NUP85: variants seen among roughly 807,000 people sequenced by gnomAD.
NUP85 encodes nuclear pore complex protein Nup85.
A neutral mutation model predicts 92.8 loss-of-function variants in NUP85; 23 were observed. The observed-to-expected ratio is 0.25, with a 90% CI of 0.18 to 0.35. The LOEUF (loss-of-function observed/expected upper bound fraction) is 0.35. Ranked by LOEUF, NUP85 falls within the 10% of genes least tolerant of loss-of-function variation. NUP85 has a pLI of 1.00. For missense variants in NUP85, 759 were observed against 822.8 expected (o/e 0.92, Z 0.95); for synonymous variants, 314 against 306.9 (o/e 1.02, Z -0.24).
At chr17:75,218,588 G>GTGTTT (rs565961332) in intron 7 of NUP85, among the ~76,000 whole-genome samples, 1 of 82,840 alleles carries the variant, frequency 1.2e-5, no homozygotes, top group Non-Finnish European at 2.1e-5. Context: ...ATACAAAACC[G>GTGTTT]TTTTTTTTTT....
chr17:75,214,397 T>C (rs2075365827), intron 5 of NUP85, among the ~76,000 whole-genome samples: 1 of 152,080 alleles, frequency 6.6e-6, no homozygotes, highest in Non-Finnish European at 1.5e-5. Context: ...TATTTCGGGG[T>C]CTTATATTGG....
chr17:75,208,275 A>C, intron 1 of NUP85: 1 of 389,222 alleles, frequency 2.6e-6, no homozygotes, highest in Non-Finnish European at 4.4e-6. Context: ...ATCTCTACTA[A>C]AAATGAAAAA....
chr17:75,218,086 G>A, intron 6 of NUP85, 99 bp from the exon 7 acceptor site: 1 of 1,514,108 alleles, frequency 6.6e-7, no homozygotes, highest in South Asian at 1.2e-5. Context: ...AACCTATGTA[G>A]TCAGCTTGTC....
chr17:75,233,437 C>CTTTTTTTTTTTTT (rs60396796), intron 16 of NUP85, among the ~76,000 whole-genome samples: 16 of 117,176 alleles, frequency 1.4e-4, no homozygotes, highest in African/African-American at 2.8e-4. Context: ...TTTATTTTTT[C>CTTTTTTTTTTTTT]TTTTTTTTTT....
intron 7 of NUP85, among the ~76,000 whole-genome samples, chr17:75,219,071 G>C (rs1439345867): frequency 1.3e-5 from 2 of 152,186 alleles, no homozygotes; most frequent in African/African-American, 4.8e-5. Flanking sequence ...CACCTCTGCT[G>C]ACTGACCCAA....
At position 75,233,086 on chromosome 17, in the gene NUP85, T is replaced by C. The variant is rs763361094; in HGVS notation, c.1543T>C (p.Cys515Arg). Residue 515 changes from cysteine to arginine, a missense_variant, in exon 16 of 19, where the codon TGC becomes CGC. Physicochemically the swap from Cys to Arg is radical, Grantham distance 180. Coordinates refer to ENST00000245544, the MANE Select transcript of NUP85 (RefSeq NM_024844.5). Reference sequence around the variant, plus strand: ...CCTCAGGGATTACTGTGAGCGAGGCTGCTTTTCTGATTTGGATCTCATTGA... The same window carrying C: ...CCTCAGGGATTACTGTGAGCGAGGCCGCTTTTCTGATTTGGATCTCATTGA... Reference protein sequence around the residue: ...RFLRDYCERGCFSDLDLIDNL... With the variant: ...RFLRDYCERGRFSDLDLIDNL... 6.2e-7 allele frequency: 1 copy of C among 1,614,190 alleles called. No individual in the cohort carries two copies. The highest frequency in any genetic ancestry group is 8.5e-7 in the Non-Finnish European group (1 of 1,180,038).
At chr17:75,227,389 G>A (rs1031303464) in intron 11 of NUP85, among the ~76,000 whole-genome samples, 27 of 139,602 alleles carry the variant, frequency 1.9e-4, no homozygotes, top group Non-Finnish European at 3.2e-4. Flanking sequence ...AGACTGGAGT[G>A]CAGTGGCGTG....
intron 14 of NUP85, 135 bp downstream of exon 14, chr17:75,232,114 G>A: frequency 2.3e-6 from 2 of 862,704 alleles, no homozygotes; most frequent in South Asian, 1.7e-5. Flanking sequence ...TGGACGCCAA[G>A]AGGTAAACTA....
rs2076038206 is a variant in NUP85 at position 75,231,074 on chromosome 17, G to GGT, written c.1095-260_1095-259dup. On this transcript the variant is annotated intron_variant, in intron 11 of 18. Transcript: ENST00000245544. The surrounding 1 kb of genome is among the most constrained non-coding windows in gnomAD (Gnocchi z 4.6). ...AGCTTCTCGAGTAGCTGGGATTACA[G>GGT]GTGTGTGCCACCATGCCTGGCTAAT... 4.7e-6 allele frequency: 2 copies of GGT among 429,174 alleles called. No homozygotes were observed. Among genetic ancestry groups the GGT allele is most frequent in the East Asian group, 9.7e-5 (2 of 20,666 alleles). The allele number at this position is 429,174 out of a possible 1,614,324, so 26.6% of individuals were successfully genotyped here. A position where few individuals can be genotyped will look rare whatever the true frequency, so the allele number is the denominator to read the frequency against.
At chr17:75,210,605 G>A (rs553085312) in intron 3 of NUP85, among the ~76,000 whole-genome samples, 19 of 152,176 alleles carry the variant, frequency 1.2e-4, no homozygotes, top group African/African-American at 4.1e-4. Flanking sequence ...GGCAGTGTTG[G>A]TATGTTACTT....
chr17:75,233,373 TTCTTTCTCTCTTTCTTTC>T (rs1284528567), intron 16 of NUP85, among the ~76,000 whole-genome samples: 13 of 104,838 alleles, frequency 1.2e-4, no homozygotes, highest in East Asian at 3.2e-4. Context: ...TTGTTTTTCT[TTCTTTCTCTCTTTCTTTC>T]TCTTTCTCTT....
chr17:75,208,842 A>G lies in NUP85; in HGVS notation c.127+222A>G, dbSNP rs576953880. ...ACTGCAGCCTCTACCTCTTGGGCTCAAGTGATCCTCTGCCTCAGTCTTCCT... is the reference window on the plus strand; with the variant it reads ...ACTGCAGCCTCTACCTCTTGGGCTCGAGTGATCCTCTGCCTCAGTCTTCCT... On this transcript the variant is annotated intron_variant, in intron 2 of 18. Transcript: ENST00000245544. 2.6e-5 allele frequency among the ~76,000 whole-genome samples: 4 copies of G among 152,200 alleles called. No individual in the cohort carries two copies. In the East Asian group the frequency reaches 7.7e-4, roughly 29 times the overall value.
chr17:75,231,169 T>A lies in NUP85; in HGVS notation c.1095-171T>A, dbSNP rs1458392936. On this transcript the variant is annotated intron_variant, in intron 11 of 18. Transcript: ENST00000245544. The surrounding 1 kb of genome is among the most constrained non-coding windows in gnomAD (Gnocchi z 4.6). ...GTCTTAAATTCCTGGACTCAGGTGA[T>A]CTGCCTGCCTTGGCCTCCCAAAGTA... 30 of 658,018 alleles carry A rather than the reference T, an allele frequency of 4.6e-5. No individual in the cohort carries two copies. Among genetic ancestry groups the A allele is most frequent in the Non-Finnish European group, 8.1e-5 (30 of 370,626 alleles). The allele number at this position is 658,018 out of a possible 1,614,324, so 40.8% of individuals were successfully genotyped here. A position where few individuals can be genotyped will look rare whatever the true frequency, so the allele number is the denominator to read the frequency against.
chr17:75,217,771 T>A (rs1293960551), intron 6 of NUP85, among the ~76,000 whole-genome samples: 2 of 152,224 alleles, frequency 1.3e-5, no homozygotes, highest in Admixed American at 6.5e-5. Flanking sequence ...CCTCCGAAAG[T>A]GCTGGGATTC....
rs1244329544 is a variant in NUP85, at chr17:75,231,335, T to C, written c.1095-5T>C. 2 of 1,614,200 alleles carry C rather than the reference T, an allele frequency of 1.2e-6. No individual in the cohort carries two copies. Among genetic ancestry groups the C allele is most frequent in the Non-Finnish European group, 1.7e-6 (2 of 1,180,030 alleles). ...TCCTTCTTGCCTTGGTGTCTGAATC[T>C]GCAGCATCGCCCTGAGCAACTGGTG... On this transcript the variant is annotated splice_polypyrimidine_tract_variant and splice_region_variant and intron_variant, in intron 11 of 18. Coordinates refer to ENST00000245544, the MANE Select transcript of NUP85 (RefSeq NM_024844.5). The surrounding 1 kb of genome is among the most constrained non-coding windows in gnomAD (Gnocchi z 4.6).
At chr17:75,211,911 G>C in intron 3 of NUP85, 81 bp from the exon 4 acceptor site, 1 of 1,100,360 alleles carries the variant, frequency 9.1e-7, no homozygotes, top group East Asian at 2.6e-5. Flanking sequence ...GCAAATTTCT[G>C]CATTTATTTG....
intron 14 of NUP85, 162 bp downstream of exon 14, chr17:75,232,141 C>T (rs899319): frequency 0.97 from 711,409 of 735,128 alleles, 345,996 homozygotes; most frequent in Non-Finnish European, 1. Flanking sequence ...GGGATAATTA[C>T]TTGGGAGGGA....
At chr17:75,228,811 C>T (rs1034669427) in intron 11 of NUP85, 1 of 985,288 alleles carries the variant, frequency 1.0e-6, no homozygotes, top group African/African-American at 1.7e-5. Flanking sequence ...ATAATCGTGC[C>T]AGACCCTAAG....
At chr17:75,207,293 C>T (rs917309431) in intron 1 of NUP85, among the ~76,000 whole-genome samples, 2 of 151,892 alleles carry the variant, frequency 1.3e-5, no homozygotes, top group Admixed American at 1.3e-4. Flanking sequence ...AAGCAATTCT[C>T]CTGCCTCAGC....
Sources: gnomAD v4.1 joint callset for allele counts (sites outside exome capture counted in the v4.1 genomes callset) on GRCh38, gnomAD v4.1.1 for gene constraint, Gnocchi (gnomAD v3.1) non-coding constraint, MANE v1.5 for transcripts, NCBI Gene and HGNC (gene_info 2026-07-23, HGNC 2026-07-21) for gene names.